Variants in NOL10 observed in about 807,000 individuals in gnomAD.
NOL10 encodes the protein nucleolar protein 10.
A neutral mutation model predicts 103.5 loss-of-function variants in NOL10; 58 were observed. The observed-to-expected ratio is 0.56, with a 90% CI of 0.45 to 0.70. The LOEUF is 0.70. Ranked by LOEUF, NOL10 falls within the 30% of genes least tolerant of loss-of-function variation. The pLI, the probability that NOL10 is intolerant of heterozygous loss-of-function variation, is 0.00. For missense variants in NOL10, 763 were observed against 807.3 expected, an observed-to-expected ratio of 0.95 and a Z score of 0.67; for synonymous variants, 287 against 282.5, an observed-to-expected ratio of 1.02 and a Z score of -0.16.
At position 10,599,086 on chromosome 2, in the gene NOL10, G is replaced by GC. The variant is rs1363947097; in HGVS notation, c.1422+1766_1422+1767insG. ...CTCAGCAAAGGTCTACAAAGAAATG[G>GC]GGGGAAGGGAAGGGCACTTCTGCAT... is the stretch of plus-strand genomic sequence containing the variant. On this transcript the variant is annotated intron_variant, in intron 17 of 20. Coordinates refer to ENST00000381685, the MANE Select transcript of NOL10 (RefSeq NM_024894.4). 2.7e-5 allele frequency among the ~76,000 whole-genome samples: 4 copies of GC among 147,778 alleles called. No individual in the cohort carries two copies. In the East Asian group the frequency reaches 5.8e-4, roughly 21 times the overall value.
intron 1 of NOL10, among the ~76,000 whole-genome samples, chr2:10,687,902 A>C (rs1311370762): frequency 2.0e-5 from 3 of 152,184 alleles, no homozygotes; most frequent in Non-Finnish European, 4.4e-5. Context: ...AGCCAACATC[A>C]GGCCATTGCA....
chr2:10,675,707 A>C, intron 4 of NOL10, 87 bp downstream of exon 4: 1 of 750,356 alleles, frequency 1.3e-6, no homozygotes, highest in South Asian at 1.8e-5. Context: ...ATAAAAAACT[A>C]ATTACAAACC....
At chr2:10,601,225 G>A (rs1572267105) in intron 16 of NOL10, among the ~76,000 whole-genome samples, 2 of 151,980 alleles carry the variant, frequency 1.3e-5, no homozygotes, top group Admixed American at 6.6e-5. Flanking sequence ...CACAACGTCT[G>A]GCTAATTTTT....
chr2:10,623,193 C>T (rs1291328836), intron 13 of NOL10, among the ~76,000 whole-genome samples: 1 of 143,408 alleles, frequency 7.0e-6, no homozygotes, highest in Non-Finnish European at 1.5e-5. Flanking sequence ...CAAAGGCATG[C>T]CACTCTAGTT....
At chr2:10,589,323 T>C in intron 18 of NOL10, 33 bp from the exon 19 acceptor site, 1 of 1,609,130 alleles carries the variant, frequency 6.2e-7, no homozygotes, top group Non-Finnish European at 8.5e-7. Flanking sequence ...GCAACTCCTT[T>C]CCCCCAGTCA....
intron 13 of NOL10, among the ~76,000 whole-genome samples, chr2:10,609,587 G>A (rs917304992): frequency 1.8e-4 from 28 of 152,040 alleles, no homozygotes; most frequent in African/African-American, 5.3e-4. Context: ...GCGACAGAGC[G>A]AGACTCTGAC....
At chr2:10,672,999 A>C (rs1434202405) in intron 5 of NOL10, among the ~76,000 whole-genome samples, 1 of 152,140 alleles carries the variant, frequency 6.6e-6, no homozygotes, top group Non-Finnish European at 1.5e-5. Context: ...GTCTCCAAAA[A>C]AAAAGAGTTG....
intron 19 of NOL10, among the ~76,000 whole-genome samples, chr2:10,581,606 G>A (rs137885167): frequency 6.8e-4 from 103 of 152,286 alleles, no homozygotes; most frequent in African/African-American, 2.4e-3. Flanking sequence ...GCAGGAGGAT[G>A]TTGTGAGGCC....
At chr2:10,596,633 T>C (rs1312756800) in intron 17 of NOL10, among the ~76,000 whole-genome samples, 1 of 152,140 alleles carries the variant, frequency 6.6e-6, no homozygotes, top group Non-Finnish European at 1.5e-5. Flanking sequence ...AGATGAAGCT[T>C]GAGGTTCACC....
intron 17 of NOL10, among the ~76,000 whole-genome samples, chr2:10,592,315 C>T (rs1411487542): frequency 6.6e-6 from 1 of 152,088 alleles, no homozygotes; most frequent in Admixed American, 6.5e-5. Flanking sequence ...AGAAAGCTGG[C>T]GACACTGAGT....
intron 12 of NOL10, 21 bp downstream of exon 12, chr2:10,654,460 C>T (rs754260874): frequency 2.7e-5 from 41 of 1,509,210 alleles, no homozygotes; most frequent in Admixed American, 6.0e-5. Context: ...TCTCACTGAA[C>T]GTTCACTACA....
At chr2:10,686,470 T>C (rs1263265804) in intron 1 of NOL10, among the ~76,000 whole-genome samples, 1 of 152,054 alleles carries the variant, frequency 6.6e-6, no homozygotes, top group Non-Finnish European at 1.5e-5. Flanking sequence ...TAAAAGTCAC[T>C]CAAAGGACTC....
chr2:10,649,317 T>G (rs893037186), intron 12 of NOL10, among the ~76,000 whole-genome samples: 7 of 68,784 alleles, frequency 1.0e-4, no homozygotes, highest in South Asian at 4.8e-4. Flanking sequence ...TTGAATTTTT[T>G]TTTTTTTTTT....
chr2:10,677,615 G>A (rs2148354173), intron 3 of NOL10, among the ~76,000 whole-genome samples: 1 of 151,886 alleles, frequency 6.6e-6, no homozygotes, highest in East Asian at 2.0e-4. Flanking sequence ...GGGACCAAGA[G>A]GCGCCTGCCA....
rs116972343 is a variant in NOL10, at chr2:10,621,439, C to T, written c.1027-14128G>A. Among the ~76,000 whole-genome samples the T allele has an allele frequency of 5.7e-4, 86 of 152,074 alleles. 2 individuals carry two copies. In the East Asian group the frequency reaches 0.013, roughly 24 times the overall value. On this transcript the variant is annotated intron_variant, in intron 13 of 20. Coordinates refer to ENST00000381685, the MANE Select transcript of NOL10 (RefSeq NM_024894.4). ...TGAGACTCCATCTCTATAAAACATA[C>T]GAAAATTATCTGGGTGTGGTGGCAC...
chr2:10,602,956 C>G, intron 15 of NOL10, 82 bp from the exon 16 acceptor site: 7 of 1,246,022 alleles, frequency 5.6e-6, no homozygotes, highest in Non-Finnish European at 8.1e-6. Flanking sequence ...ACAGTTATGC[C>G]AAAGAACAGG....
chr2:10,634,420 C>T (rs760977339), intron 13 of NOL10: 314 of 447,458 alleles, frequency 7.0e-4, no homozygotes, highest in Non-Finnish European at 1.3e-3. Flanking sequence ...GAAATGGAGA[C>T]CCTGGCAGGT....
At chr2:10,659,342 G>A in intron 9 of NOL10, 92 bp from the exon 10 acceptor site, 2 of 12,354 alleles carry the variant, frequency 1.6e-4, no homozygotes, top group South Asian at 4.1e-3. Context: ...CAAATCTAAT[G>A]GGGGGGGGGG....
chr2:10,605,944 A>C (rs1357478515), intron 14 of NOL10, among the ~76,000 whole-genome samples: 5 of 152,232 alleles, frequency 3.3e-5, no homozygotes, highest in African/African-American at 1.2e-4. Flanking sequence ...TTAATACTCA[A>C]CTGTTGTTGC....
Sources: allele counts gnomAD v4.1 joint callset (sites outside exome capture counted in the v4.1 genomes callset), GRCh38; gene constraint gnomAD v4.1.1; transcripts MANE v1.5; gene names NCBI Gene and HGNC (gene_info 2026-07-23, HGNC 2026-07-21).